Variants in CUX2 observed in about 807,000 individuals in gnomAD.
CUX2 encodes the protein homeobox protein cut-like 2.
CUX2 carries 40 observed loss-of-function variants against 144.8 expected under a neutral mutation model. The ratio of observed to expected loss-of-function variants is 0.28; its 90% confidence interval spans 0.21 to 0.36. The LOEUF is 0.36. CUX2 is among the 10% of genes least tolerant of loss of function. The pLI is 1.00. For missense variants in CUX2, 1,615 were observed against 1,994.0 expected, an observed-to-expected ratio of 0.81 and a Z score of 3.62; for synonymous variants, 827 against 875.6, an observed-to-expected ratio of 0.94 and a Z score of 0.98.
chr12:111,103,216 G>A (rs1305753068), intron 1 of CUX2, among the ~76,000 whole-genome samples: 5 of 152,124 alleles, frequency 3.3e-5, no homozygotes, highest in East Asian at 1.9e-4. Flanking sequence ...GTGGACAAGC[G>A]GTGCACCATG....
At position 111,035,083 on chromosome 12, in the gene CUX2, G is replaced by A. The variant is rs1398865421; in HGVS notation, c.63+843G>A. Among the ~76,000 whole-genome samples, 2 of 152,224 alleles carry A rather than the reference G, an allele frequency of 1.3e-5. No homozygotes were observed. The highest frequency in any genetic ancestry group is 3.9e-4 in the East Asian group (2 of 5,174). On this transcript the variant is annotated intron_variant, in intron 1 of 21. Transcript: ENST00000261726. The surrounding 1 kb of genome is among the most constrained non-coding windows in gnomAD (Gnocchi z 6.0). ...TCCAGGGCGGTGGAGAGCCGGGAGC[G>A]GCGCAGAGCAGGTGACTCCCAGCCC...
chr12:111,158,237 G>A (rs1877520731), intron 1 of CUX2, among the ~76,000 whole-genome samples: 1 of 152,158 alleles, frequency 6.6e-6, no homozygotes, highest in African/African-American at 2.4e-5. Flanking sequence ...TGGGTGGGGT[G>A]TGGAGAGCAA....
chr12:111,133,002 A>T (rs1021996154), intron 1 of CUX2, among the ~76,000 whole-genome samples: 2 of 152,214 alleles, frequency 1.3e-5, no homozygotes, highest in African/African-American at 4.8e-5. Flanking sequence ...TCTCTAGGGC[A>T]GGGGCAAAAT....
At chr12:111,329,207 C>A (rs2136422848) in intron 18 of CUX2, among the ~76,000 whole-genome samples, 1 of 151,332 alleles carries the variant, frequency 6.6e-6, no homozygotes, top group East Asian at 1.9e-4. Context: ...AAGTCGCGGG[C>A]AGACTGGGAT....
intron 1 of CUX2, among the ~76,000 whole-genome samples, chr12:111,149,508 C>A (rs1383096533): frequency 6.6e-6 from 1 of 152,060 alleles, no homozygotes; most frequent in African/African-American, 2.4e-5. Flanking sequence ...TAGCACACCG[C>A]CCCCCACAAT....
intron 8 of CUX2, among the ~76,000 whole-genome samples, chr12:111,297,625 C>T (rs1446796329): frequency 5.3e-5 from 8 of 152,188 alleles, no homozygotes; most frequent in African/African-American, 1.9e-4. Flanking sequence ...TGGACTCAAG[C>T]GTTTCTTTAG....
At chr12:111,098,470 G>A (rs111867533) in intron 1 of CUX2, among the ~76,000 whole-genome samples, 1,839 of 152,078 alleles carry the variant, frequency 0.012, 39 homozygotes, top group African/African-American at 0.042. Context: ...CCTTGGCACC[G>A]GGGATTCCCG....
chr12:111,077,425 C>T lies in CUX2; in HGVS notation c.63+43185C>T. On this transcript the variant is annotated intron_variant, in intron 1 of 21. Transcript: ENST00000261726. This position sits in a 1 kb window ranked among gnomAD's most constrained non-coding sequence, Gnocchi z 4.1. ...CCTGAACCCCCTGGACTTCTGCCCC[C>T]CTGGACTGATGGCCTAAATCCATCA... Among the ~76,000 whole-genome samples the T allele has an allele frequency of 6.6e-6, 1 of 152,188 alleles. No homozygotes were observed. Among genetic ancestry groups the T allele is most frequent in the East Asian group, 1.9e-4 (1 of 5,188 alleles).
intron 1 of CUX2, among the ~76,000 whole-genome samples, chr12:111,203,464 G>A (rs1239980235): frequency 6.6e-6 from 1 of 151,558 alleles, no homozygotes; most frequent in Non-Finnish European, 1.5e-5. Context: ...AGGATCGCTT[G>A]AGCCCAGAAG....
chr12:111,200,391 T>A (rs1384248765), intron 1 of CUX2, among the ~76,000 whole-genome samples: 1 of 152,106 alleles, frequency 6.6e-6, no homozygotes, highest in Non-Finnish European at 1.5e-5. Context: ...TGTGTTTTTC[T>A]TTCCCTCCCT....
chr12:111,303,511 T>C (rs6490048), intron 9 of CUX2, among the ~76,000 whole-genome samples: 64,681 of 151,242 alleles, frequency 0.43, 18,405 homozygotes, highest in East Asian at 0.89. Context: ...TGGTGTGCAC[T>C]TGTAATCCCA....
rs1244460486 is a variant in CUX2 at position 111,034,767 on chromosome 12, T to C, written c.63+527T>C. Among the ~76,000 whole-genome samples the C allele has an allele frequency of 2.0e-5, 3 of 149,796 alleles. No homozygotes were observed. Among genetic ancestry groups the C allele is most frequent in the Admixed American group, 6.6e-5 (1 of 15,098 alleles). On this transcript the variant is annotated intron_variant, in intron 1 of 21. Transcript: ENST00000261726. This position sits in a 1 kb window ranked among gnomAD's most constrained non-coding sequence, Gnocchi z 4.2. ...GGAGAGAGGAGGAGGGAGCCGGGGT[T>C]GGCGAGGAGGCGGCTCCGCGCCCCG...
At chr12:111,271,139 A>T (rs1408555769) in intron 4 of CUX2, among the ~76,000 whole-genome samples, 3 of 152,196 alleles carry the variant, frequency 2.0e-5, no homozygotes, top group African/African-American at 7.2e-5. Context: ...GTTGTCAGGG[A>T]CATTGGATAA....
chr12:111,091,184 TC>T (rs1872531292), intron 1 of CUX2, among the ~76,000 whole-genome samples: 1 of 152,182 alleles, frequency 6.6e-6, no homozygotes, highest in South Asian at 2.1e-4. Context: ...GAGTCAGTGT[TC>T]CCACTCCAGC....
chr12:111,087,060 A>C (rs960500547), intron 1 of CUX2, among the ~76,000 whole-genome samples: 2 of 152,172 alleles, frequency 1.3e-5, no homozygotes, highest in African/African-American at 4.8e-5. Flanking sequence ...CAAGGGACTT[A>C]CTAAAGAAAA....
intron 8 of CUX2, among the ~76,000 whole-genome samples, chr12:111,297,580 C>T (rs1886077420): frequency 1.3e-5 from 2 of 152,220 alleles, no homozygotes; most frequent in African/African-American, 4.8e-5. Flanking sequence ...ACACTCCAAT[C>T]CTCAGGGGCT....
chr12:111,297,393 C>T (rs886350582), intron 8 of CUX2, among the ~76,000 whole-genome samples: 1 of 152,236 alleles, frequency 6.6e-6, no homozygotes, highest in Admixed American at 6.5e-5. Flanking sequence ...TGGAGGCCCC[C>T]GTTTCATTAA....
rs1871575244 is a variant in CUX2, at chr12:111,077,082, T to G, written c.63+42842T>G. ...GAGGAGGTAAAATATTTGAACTGAT[T>G]GTATTGCCTGTTCCTAACTGTTTGC... On this transcript the variant is annotated intron_variant, in intron 1 of 21. Coordinates refer to ENST00000261726, the MANE Select transcript of CUX2 (RefSeq NM_015267.4). This position sits in a 1 kb window ranked among gnomAD's most constrained non-coding sequence, Gnocchi z 4.1. 6.6e-6 allele frequency among the ~76,000 whole-genome samples: 1 copy of G among 152,214 alleles called. No homozygotes were observed. The highest frequency in any genetic ancestry group is 1.5e-5 in the Non-Finnish European group (1 of 68,040).
chr12:111,343,482 A>G (rs1326960570), intron 21 of CUX2, among the ~76,000 whole-genome samples: 4 of 152,134 alleles, frequency 2.6e-5, no homozygotes, highest in Admixed American at 6.5e-5. Flanking sequence ...ATGGTACCAG[A>G]GAAGAAAATC....
Sources: allele counts gnomAD v4.1 joint callset (sites outside exome capture counted in the v4.1 genomes callset), GRCh38; gene constraint gnomAD v4.1.1; non-coding constraint Gnocchi (gnomAD v3.1); transcripts MANE v1.5; gene names NCBI Gene and HGNC (gene_info 2026-07-23, HGNC 2026-07-21).